Variants in USP48 observed in about 807,000 individuals in gnomAD.
USP48 encodes ubiquitin specific peptidase 48, also known as ubiquitin carboxyl-terminal hydrolase 48.
In USP48, 43 loss-of-function variants were observed where a neutral mutation model predicts 150.7. The ratio of observed to expected loss-of-function variants is 0.29; its 90% confidence interval spans 0.22 to 0.37. The LOEUF (loss-of-function observed/expected upper bound fraction) is 0.37, where lower values mean the gene tolerates loss of function less well. Among genes scored for constraint, USP48 ranks in the 10% least tolerant of loss-of-function variants. The pLI is 1.00. For missense variants in USP48, 813 were observed against 1,249.6 expected (o/e 0.65, Z 5.27); for synonymous variants, 396 against 425.9 (o/e 0.93, Z 0.86).
At chr1:21,732,099 G>A (rs2097758256) in intron 9 of USP48, among the ~76,000 whole-genome samples, 2 of 152,102 alleles carry the variant, frequency 1.3e-5, no homozygotes, top group African/African-American at 4.8e-5. Context: ...CCAACGTGGT[G>A]AAACCCCATC....
intron 18 of USP48, 63 bp downstream of exon 18, chr1:21,706,063 A>G (rs1246384471): frequency 1.3e-6 from 2 of 1,543,290 alleles, no homozygotes; most frequent in East Asian, 2.2e-5. Context: ...ACGATATCTT[A>G]AAAAATACCA....
At chr1:21,684,180 A>G (rs1322304925) in intron 25 of USP48, among the ~76,000 whole-genome samples, 1 of 152,102 alleles carries the variant, frequency 6.6e-6, no homozygotes, top group African/African-American at 2.4e-5. Flanking sequence ...TATGGTAGTT[A>G]TATTTTTAGT....
intron 2 of USP48, among the ~76,000 whole-genome samples, chr1:21,757,123 G>A (rs1051786366): frequency 3.9e-5 from 6 of 152,230 alleles, no homozygotes; most frequent in East Asian, 1.9e-4. Context: ...AAAGATTGGC[G>A]GTGGTAGAGG....
Position 21,736,370 on chromosome 1 carries a change from A to G in USP48, c.1171+76T>C, listed in dbSNP as rs140418719. 5.0e-4 allele frequency: 689 copies of G among 1,374,750 alleles called. 7 individuals are homozygous for G. The African/African-American group carries it at 6.9e-3, about 14-fold the overall frequency. 85.2% of individuals were successfully genotyped at this position (1,374,750 alleles called of 1,614,324 possible). ...GTCTGTAACATAACAATCTTGAGCC[A>G]TAATAATTTATCACAAATATTTCTA... On this transcript the variant is annotated intron_variant, in intron 9 of 26. Transcript: ENST00000308271.
chr1:21,688,021 G>C (rs1339197941), intron 24 of USP48, among the ~76,000 whole-genome samples: 1 of 152,072 alleles, frequency 6.6e-6, no homozygotes, highest in African/African-American at 2.4e-5. Flanking sequence ...ACACCAGAAC[G>C]GGGGCTCCAA....
intron 1 of USP48, among the ~76,000 whole-genome samples, chr1:21,771,753 C>G (rs1238325431): frequency 6.6e-6 from 1 of 151,756 alleles, no homozygotes; most frequent in Non-Finnish European, 1.5e-5. Context: ...AACCCCGTCT[C>G]TACTAAAAAC....
rs2097558160 is a variant in USP48 at position 21,679,013 on chromosome 1, C to G, written c.*404G>C. The G allele has an allele frequency of 1.1e-5, 3 of 271,102 alleles. No homozygotes were observed. The South Asian group carries it at 1.3e-4, about 11-fold the overall frequency. The allele number at this position is 271,102 out of a possible 1,614,324, so 16.8% of individuals were successfully genotyped here. ...TTTTCGTTCAGAGCAGAATGTTGTC[C>G]CATCTACTTGATACAATCCTTTATG... On this transcript the variant is annotated 3_prime_UTR_variant, in exon 27 of 27. Transcript: ENST00000308271.
At chr1:21,724,180 G>A in intron 11 of USP48, 85 bp from the exon 12 acceptor site, 1 of 1,324,604 alleles carries the variant, frequency 7.5e-7, no homozygotes, top group Non-Finnish European at 1.1e-6. Flanking sequence ...AAAAGACAAT[G>A]CAAACTCTGT....
At chr1:21,687,785 A>T (rs139032625) in intron 24 of USP48, among the ~76,000 whole-genome samples, 1 of 152,354 alleles carries the variant, frequency 6.6e-6, no homozygotes, top group Non-Finnish European at 1.5e-5. Context: ...CTAGCTGCCC[A>T]TGTGAAGTAC....
chr1:21,732,233 A>G (rs1260038644), intron 9 of USP48, among the ~76,000 whole-genome samples: 1 of 151,710 alleles, frequency 6.6e-6, no homozygotes, highest in Non-Finnish European at 1.5e-5. Context: ...GGGCCAAGAT[A>G]GCACCACTGC....
At chr1:21,745,776 A>G (rs761294638) in intron 8 of USP48, among the ~76,000 whole-genome samples, 3 of 152,186 alleles carry the variant, frequency 2.0e-5, no homozygotes, top group Non-Finnish European at 2.9e-5. Flanking sequence ...ACATCTCCTA[A>G]GTTTCTGGAC....
chr1:21,763,801 G>A (rs1260946381), intron 1 of USP48, among the ~76,000 whole-genome samples: 1 of 143,770 alleles, frequency 7.0e-6, no homozygotes. Flanking sequence ...GGTAACTAGA[G>A]AGAAACTCTG....
chr1:21,783,022 C>T lies in USP48; in HGVS notation c.-65G>A. On this transcript the variant is annotated 5_prime_UTR_variant, in exon 1 of 27. Coordinates refer to ENST00000308271, the MANE Select transcript of USP48 (RefSeq NM_032236.8). The stretch of plus-strand genomic sequence containing the variant: ...CAGCCGCCGCCGCGGTCTGCACCGC[C>T]GCCCCAATGGGCTTCGCCACCTGCC... 6.9e-7 allele frequency: 1 copy of T among 1,441,312 alleles called. No individual in the cohort carries two copies. The highest frequency in any genetic ancestry group is 9.0e-7 in the Non-Finnish European group (1 of 1,108,120). The allele number at this position is 1,441,312 out of a possible 1,614,324, so 89.3% of individuals were successfully genotyped here.
chr1:21,770,847 C>T (rs1557612373), intron 1 of USP48, among the ~76,000 whole-genome samples: 1 of 151,784 alleles, frequency 6.6e-6, no homozygotes, highest in Non-Finnish European at 1.5e-5. Context: ...TTCAAGCTGG[C>T]TACAGTGGCT....
At chr1:21,753,313 A>C (rs2097821681) in intron 3 of USP48, among the ~76,000 whole-genome samples, 194 bp from the exon 4 acceptor site, 1 of 152,114 alleles carries the variant, frequency 6.6e-6, no homozygotes, top group African/African-American at 2.4e-5. Flanking sequence ...GCACTTTGGG[A>C]GGCCAAAGCA....
At chr1:21,698,249 A>G (rs950892938) in intron 22 of USP48, among the ~76,000 whole-genome samples, 1 of 152,196 alleles carries the variant, frequency 6.6e-6, no homozygotes, top group South Asian at 2.1e-4. Context: ...TGAGCCAAAA[A>G]TTTTTTGTGA....
At chr1:21,777,111 CT>C (rs1292810239) in intron 1 of USP48, among the ~76,000 whole-genome samples, 1 of 149,680 alleles carries the variant, frequency 6.7e-6, no homozygotes, top group East Asian at 1.9e-4. Flanking sequence ...CAGACTCCAT[CT>C]GAAAAAAAAA....
chr1:21,695,259 T>G, intron 22 of USP48, 38 bp from the exon 23 acceptor site: 1 of 1,563,226 alleles, frequency 6.4e-7, no homozygotes, highest in African/African-American at 1.4e-5. Context: ...GCACTGAAAT[T>G]AACCACAATG....
chr1:21,696,428 A>G (rs905567840), intron 22 of USP48, among the ~76,000 whole-genome samples: 1 of 152,214 alleles, frequency 6.6e-6, no homozygotes, highest in Non-Finnish European at 1.5e-5. Flanking sequence ...ACAAGAGCGA[A>G]ACTCTGTCTC....
Sources: gnomAD v4.1 joint callset for allele counts (sites outside exome capture counted in the v4.1 genomes callset) on GRCh38, gnomAD v4.1.1 for gene constraint, MANE v1.5 for transcripts, NCBI Gene and HGNC (gene_info 2026-07-23, HGNC 2026-07-21) for gene names.